CAMK2B: variants seen among roughly 807,000 people sequenced by gnomAD.
CAMK2B encodes calcium/calmodulin dependent protein kinase II beta.
In CAMK2B, 27 loss-of-function variants were observed where a neutral mutation model predicts 93.7. That is an observed-to-expected ratio of 0.29 (90% CI 0.21 to 0.40). CAMK2B has a LOEUF of 0.40. CAMK2B is among the 10% of genes least tolerant of loss of function. CAMK2B has a pLI of 1.00. For missense variants in CAMK2B, 568 were observed against 895.8 expected (o/e 0.63, Z 4.67); for synonymous variants, 374 against 358.8 (o/e 1.04, Z -0.48).
chr7:44,300,546 A>G (rs1364152745), intron 1 of CAMK2B, among the ~76,000 whole-genome samples: 1 of 152,238 alleles, frequency 6.6e-6, no homozygotes, highest in Non-Finnish European at 1.5e-5. Context: ...GAAGAGCATT[A>G]CATAATAATA....
chr7:44,285,880 GCGGCGGGGGGGCA>G (rs1193385958), intron 1 of CAMK2B, among the ~76,000 whole-genome samples: 59 of 89,864 alleles, frequency 6.6e-4, no homozygotes, highest in African/African-American at 2.6e-3. Context: ...GCGGGGGGGC[GCGGCGGGGGGGCA>G]CGGTGAGGTG....
At chr7:44,299,159 G>C (rs1789184085) in intron 1 of CAMK2B, among the ~76,000 whole-genome samples, 1 of 152,150 alleles carries the variant, frequency 6.6e-6, no homozygotes, top group African/African-American at 2.4e-5. Flanking sequence ...ATTGACAGAA[G>C]AATGGATAAA....
At chr7:44,228,680 G>T in intron 19 of CAMK2B, 116 bp downstream of exon 19, 2 of 1,008,498 alleles carry the variant, frequency 2.0e-6, no homozygotes, top group Non-Finnish European at 2.7e-6. Flanking sequence ...ACTCCAGGCT[G>T]CGGCGCCGGG....
At position 44,229,323 on chromosome 7, in the gene CAMK2B, G is replaced by A. The variant is rs185312861; in HGVS notation, c.1339+65C>T. 2,984 of 1,100,864 alleles carry A rather than the reference G, an allele frequency of 2.7e-3. 9 individuals carry two copies. Among genetic ancestry groups the A allele is most frequent in the Non-Finnish European group, 3.1e-3 (2,427 of 773,440 alleles). The allele number at this position is 1,100,864 out of a possible 1,614,324, so 68.2% of individuals were successfully genotyped here. On this transcript the variant is annotated intron_variant, in intron 18 of 23. Coordinates refer to ENST00000395749, the MANE Select transcript of CAMK2B (RefSeq NM_001220.5). ...TCAGCCTGCCCTCGGCTCTGGAGTGGCCCCTCTAGGGGGTTGCCAGCCCTC... is the reference window on the plus strand; with the variant it reads ...TCAGCCTGCCCTCGGCTCTGGAGTGACCCCTCTAGGGGGTTGCCAGCCCTC...
chr7:44,242,957 C>T (rs1054330175), intron 8 of CAMK2B, among the ~76,000 whole-genome samples: 15 of 152,184 alleles, frequency 9.9e-5, no homozygotes, highest in Admixed American at 2.6e-4. Context: ...GCCCAACAGC[C>T]CCTGACCTCT....
intron 2 of CAMK2B, among the ~76,000 whole-genome samples, chr7:44,275,986 G>A (rs1240436727): frequency 6.6e-6 from 1 of 152,230 alleles, no homozygotes; most frequent in Non-Finnish European, 1.5e-5. Context: ...CTTAAAGGCA[G>A]AGTGGGCCAA....
chr7:44,219,835 C>T (rs910435822), intron 23 of CAMK2B, among the ~76,000 whole-genome samples: 2 of 152,202 alleles, frequency 1.3e-5, no homozygotes, highest in Non-Finnish European at 2.9e-5. Context: ...GTGTGGACTG[C>T]TCAGGCCCTC....
At chr7:44,231,783 T>A (rs1407377601) in intron 16 of CAMK2B, among the ~76,000 whole-genome samples, 1 of 152,168 alleles carries the variant, frequency 6.6e-6, no homozygotes, top group African/African-American at 2.4e-5. Flanking sequence ...CCCACCCTGC[T>A]CCAGGGCTGC....
At chr7:44,259,040 A>G (rs1436271556) in intron 3 of CAMK2B, 114 bp from the exon 4 acceptor site, 1 of 972,094 alleles carries the variant, frequency 1.0e-6, no homozygotes, top group Non-Finnish European at 1.6e-6. Flanking sequence ...GGCTGCCCAG[A>G]GGATCGGGCT....
At chr7:44,263,822 C>A (rs936348988) in intron 2 of CAMK2B, 4 of 154,222 alleles carry the variant, frequency 2.6e-5, no homozygotes, top group African/African-American at 7.2e-5. Context: ...GGACTCCATG[C>A]GCTGCAGTCA....
chr7:44,259,253 C>A, intron 3 of CAMK2B: 1 of 289,662 alleles, frequency 3.5e-6, no homozygotes, highest in African/African-American at 2.1e-5. Context: ...TGGTCCCAGC[C>A]TGGGCCTCAG....
chr7:44,234,523 C>A, intron 14 of CAMK2B, 62 bp from the exon 15 acceptor site: 1 of 1,584,316 alleles, frequency 6.3e-7, no homozygotes, highest in East Asian at 2.3e-5. Context: ...CATTCCCTGT[C>A]CCGTGTCTCT....
chr7:44,237,307 C>G (rs1384411708), intron 13 of CAMK2B, among the ~76,000 whole-genome samples: 2 of 152,214 alleles, frequency 1.3e-5, no homozygotes, highest in Non-Finnish European at 2.9e-5. Context: ...CCAAACTATG[C>G]TACTGGAGAT....
At chr7:44,229,251 C>A in intron 18 of CAMK2B, 137 bp downstream of exon 18, 4 of 644,316 alleles carry the variant, frequency 6.2e-6, no homozygotes, top group Non-Finnish European at 1.1e-5. Context: ...CCTGGAAAGC[C>A]CCAGTGAGGG....
chr7:44,311,366 G>A lies in CAMK2B; in HGVS notation c.65+13991C>T, dbSNP rs993777765. On this transcript the variant is annotated intron_variant, in intron 1 of 23. Coordinates refer to ENST00000395749, the MANE Select transcript of CAMK2B (RefSeq NM_001220.5). This position sits in a 1 kb window ranked among gnomAD's most constrained non-coding sequence, Gnocchi z 4.2. Reference sequence around the variant, plus strand: ...GCTGGGATTACAGGCGTGAGCCACCGCACTCAGCCAAAATCTGGTTTTAAG... The same window carrying A: ...GCTGGGATTACAGGCGTGAGCCACCACACTCAGCCAAAATCTGGTTTTAAG... Among the ~76,000 whole-genome samples, 10 of 152,330 alleles carry A rather than the reference G, an allele frequency of 6.6e-5. No homozygotes were observed. The highest frequency in any genetic ancestry group is 4.2e-4 in the South Asian group (2 of 4,818).
intron 3 of CAMK2B, among the ~76,000 whole-genome samples, chr7:44,261,981 G>A (rs544122989): frequency 2.0e-4 from 30 of 152,344 alleles, no homozygotes; most frequent in African/African-American, 6.5e-4. Context: ...GCCTGGCCCC[G>A]GGCCCTGGAG....
intron 1 of CAMK2B, among the ~76,000 whole-genome samples, chr7:44,297,492 T>C (rs1300944735): frequency 1.3e-5 from 2 of 152,304 alleles, no homozygotes; most frequent in East Asian, 1.9e-4. Flanking sequence ...AATCCAACTA[T>C]ATCAATAATC....
chr7:44,263,117 C>A, intron 2 of CAMK2B, 53 bp from the exon 3 acceptor site: 1 of 1,568,870 alleles, frequency 6.4e-7, no homozygotes, highest in Non-Finnish European at 8.7e-7. Context: ...ACTGGTGGCC[C>A]AGGGATCGTC....
chr7:44,228,440 G>A (rs1469999516), intron 19 of CAMK2B, among the ~76,000 whole-genome samples: 5 of 152,238 alleles, frequency 3.3e-5, no homozygotes, highest in South Asian at 4.1e-4. Flanking sequence ...GAAGTCTGTG[G>A]GGCTGGGACA....
Sources: allele counts gnomAD v4.1 joint callset (sites outside exome capture counted in the v4.1 genomes callset), GRCh38; gene constraint gnomAD v4.1.1; non-coding constraint Gnocchi (gnomAD v3.1); transcripts MANE v1.5; gene names NCBI Gene and HGNC (gene_info 2026-07-23, HGNC 2026-07-21).